The following CDH22 variants were observed in gnomAD, a reference collection of about 807,000 sequenced individuals.
The protein encoded by CDH22 is cadherin 22, also known as cadherin-22.
Under a neutral mutation model 58.4 loss-of-function variants are expected in CDH22, and 30 were observed. That is an observed-to-expected ratio of 0.51 (90% confidence interval 0.38 to 0.70). CDH22 has a LOEUF of 0.70. CDH22 is among the 30% of genes least tolerant of loss of function. CDH22 has a pLI of 0.00. For missense variants in CDH22, 1,014 were observed against 1,233.9 expected, an observed-to-expected ratio of 0.82 and a Z score of 2.67; for synonymous variants, 513 against 558.2, an observed-to-expected ratio of 0.92 and a Z score of 1.14.
rs4516502 is a variant in CDH22, at chr20:46,184,595, A to T, written c.1663+1993T>A. Among the ~76,000 whole-genome samples, 1,424 of 152,300 alleles carry T rather than the reference A, an allele frequency of 9.3e-3. 18 individuals carry two copies. Among genetic ancestry groups the T allele is most frequent in the African/African-American group, 0.032 (1,336 of 41,550 alleles). On this transcript the variant is annotated intron_variant, in intron 10 of 11. Transcript: ENST00000537909. Reference sequence around the variant, plus strand: ...TCTGTCTCACCTCACTAGAATATAAACTAGGTTTTGTTGTGTTTGCTGTTG... The same window carrying T: ...TCTGTCTCACCTCACTAGAATATAATCTAGGTTTTGTTGTGTTTGCTGTTG...
At chr20:46,193,950 T>C (rs1336345056) in intron 8 of CDH22, among the ~76,000 whole-genome samples, 2 of 152,098 alleles carry the variant, frequency 1.3e-5, no homozygotes, top group Non-Finnish European at 2.9e-5. Context: ...GCCCAGGAGT[T>C]GGACACAAGC....
At chr20:46,186,454 T>C (rs1281608677) in intron 10 of CDH22, 134 bp downstream of exon 10, 2 of 699,032 alleles carry the variant, frequency 2.9e-6, no homozygotes, top group Non-Finnish European at 4.9e-6. Flanking sequence ...AGCTCCAGCT[T>C]GGCCCAGACT....
chr20:46,290,933 C>T (rs1419432911), intron 1 of CDH22, among the ~76,000 whole-genome samples: 1 of 152,102 alleles, frequency 6.6e-6, no homozygotes, highest in Non-Finnish European at 1.5e-5. Flanking sequence ...GCCTGGTGTC[C>T]AATGCACCCT....
chr20:46,208,589 A>G (rs2145684316), intron 7 of CDH22, among the ~76,000 whole-genome samples: 1 of 150,522 alleles, frequency 6.6e-6, no homozygotes, highest in East Asian at 1.9e-4. Context: ...GTTTATTTTA[A>G]TTAATTAATT....
intron 10 of CDH22, among the ~76,000 whole-genome samples, chr20:46,186,144 G>A (rs907937602): frequency 2.0e-5 from 3 of 150,510 alleles, no homozygotes; most frequent in Admixed American, 1.3e-4. Flanking sequence ...TGTCTGGGAG[G>A]TGGAGGTTGC....
In CDH22 at chr20:46,216,009, G is replaced by T. The variant is rs1265353134; in HGVS notation, c.838+817C>A. On this transcript the variant is annotated intron_variant, in intron 5 of 11. Coordinates refer to ENST00000537909, the MANE Select transcript of CDH22 (RefSeq NM_021248.3). The surrounding 1 kb of genome is among the most constrained non-coding windows in gnomAD (Gnocchi z 5.3). ...AATGATGCTGCGCTCTCAGCTAAGGGATTGGATTCCCTTATCTCTCGGGGG... is the reference window on the plus strand; with the variant it reads ...AATGATGCTGCGCTCTCAGCTAAGGTATTGGATTCCCTTATCTCTCGGGGG... Among the ~76,000 whole-genome samples, 2 of 152,228 alleles carry T rather than the reference G, an allele frequency of 1.3e-5. No individual in the cohort carries two copies. The highest frequency in any genetic ancestry group is 4.8e-5 in the African/African-American group (2 of 41,462).
chr20:46,246,502 C>T (rs2425798), intron 2 of CDH22, among the ~76,000 whole-genome samples: 1 of 152,142 alleles, frequency 6.6e-6, no homozygotes, highest in East Asian at 1.9e-4. Context: ...GTTCGGAAAA[C>T]GGATTAGTCA....
chr20:46,229,595 A>T (rs2086204543), intron 3 of CDH22, among the ~76,000 whole-genome samples: 1 of 152,176 alleles, frequency 6.6e-6, no homozygotes, highest in African/African-American at 2.4e-5. Context: ...TCCTGAGATC[A>T]TTTTGAGAAT....
intron 8 of CDH22, among the ~76,000 whole-genome samples, chr20:46,187,231 C>T (rs1279708185): frequency 6.6e-6 from 1 of 152,078 alleles, no homozygotes; most frequent in African/African-American, 2.4e-5. Flanking sequence ...CCAACACCAT[C>T]ACCACTGTCA....
At chr20:46,226,267 TCTTCTTCTTCTTCTTC>T (rs2086172610) in intron 4 of CDH22, among the ~76,000 whole-genome samples, 3 of 36,524 alleles carry the variant, frequency 8.2e-5, no homozygotes, top group South Asian at 1.3e-3. Context: ...TTCTTCTTCT[TCTTCTTCTTCTTCTTC>T]TTCTTCTTCT....
chr20:46,254,352 C>T lies in CDH22; in HGVS notation c.-399-2659G>A, dbSNP rs928655964. ...GGTGGATCACTTTAGGTCAGGAGTT[C>T]GAGACCAGCCAGGTAAACATAGTGA... On this transcript the variant is annotated intron_variant, in intron 1 of 11. Coordinates refer to ENST00000537909, the MANE Select transcript of CDH22 (RefSeq NM_021248.3). Among the ~76,000 whole-genome samples the T allele has an allele frequency of 2.6e-5, 4 of 151,948 alleles. No individual in the cohort carries two copies. In the South Asian group the frequency reaches 8.3e-4, roughly 32 times the overall value.
intron 1 of CDH22, among the ~76,000 whole-genome samples, chr20:46,254,326 A>C (rs149041640): frequency 6.6e-6 from 1 of 152,108 alleles, no homozygotes; most frequent in Non-Finnish European, 1.5e-5. Flanking sequence ...AGGCCGAGGC[A>C]GGTGGATCAC....
intron 4 of CDH22, among the ~76,000 whole-genome samples, chr20:46,218,136 C>T (rs375446076): frequency 6.6e-6 from 1 of 152,124 alleles, no homozygotes; most frequent in East Asian, 1.9e-4. Context: ...GTTGGCCAAG[C>T]AGGTCTCAAA....
At chr20:46,302,952 C>A (rs139357237) in intron 1 of CDH22, among the ~76,000 whole-genome samples, 1,825 of 152,278 alleles carry the variant, frequency 0.012, 39 homozygotes, top group African/African-American at 0.041. Context: ...CCCCTCCATG[C>A]CTCAGACCCA....
At chr20:46,194,978 C>T (rs1266439068) in intron 8 of CDH22, among the ~76,000 whole-genome samples, 1 of 152,186 alleles carries the variant, frequency 6.6e-6, no homozygotes, top group South Asian at 2.1e-4. Context: ...GATCCGCCTG[C>T]CTCGGCCTCC....
intron 8 of CDH22, among the ~76,000 whole-genome samples, chr20:46,192,302 T>C (rs1380793482): frequency 3.3e-5 from 5 of 152,158 alleles, no homozygotes; most frequent in African/African-American, 7.2e-5. Context: ...GGAGGGATGC[T>C]GGGGAGGTGC....
chr20:46,261,452 T>A (rs976242624), intron 1 of CDH22, among the ~76,000 whole-genome samples: 2 of 152,192 alleles, frequency 1.3e-5, no homozygotes, highest in African/African-American at 4.8e-5. Context: ...AGTGAAGAGT[T>A]GCACAGGGTA....
At chr20:46,268,047 T>C (rs2086469857) in intron 1 of CDH22, among the ~76,000 whole-genome samples, 1 of 152,266 alleles carries the variant, frequency 6.6e-6, no homozygotes, top group South Asian at 2.1e-4. Context: ...AATCCATGTA[T>C]CTACCAGATA....
intron 1 of CDH22, among the ~76,000 whole-genome samples, chr20:46,274,700 G>C (rs1347116387): frequency 7.6e-6 from 1 of 132,170 alleles, no homozygotes; most frequent in Non-Finnish European, 1.6e-5. Context: ...CCAGTGAATG[G>C]ATAAGCAAAT....
Sources: allele counts gnomAD v4.1 joint callset (sites outside exome capture counted in the v4.1 genomes callset), GRCh38; gene constraint gnomAD v4.1.1; non-coding constraint Gnocchi (gnomAD v3.1); transcripts MANE v1.5; gene names NCBI Gene and HGNC (gene_info 2026-07-23, HGNC 2026-07-21).